The following DROSHA variants were observed in gnomAD, a reference collection of about 807,000 sequenced individuals.
The protein encoded by DROSHA is ribonuclease 3.
Under a neutral mutation model 181.9 loss-of-function variants are expected in DROSHA, and 56 were observed. The ratio of observed to expected loss-of-function variants is 0.31; its 90% CI spans 0.25 to 0.38. The LOEUF is 0.38. DROSHA is among the 10% of genes least tolerant of loss of function. DROSHA has a pLI of 1.00. For synonymous variants in DROSHA, 524 were observed against 591.2 expected (o/e 0.89, Z 1.65); for missense variants, 1,218 against 1,743.5 (o/e 0.70, Z 5.37).
chr5:31,405,791 T>TA, intron 34 of DROSHA, 68 bp from the exon 35 acceptor site: 1 of 1,121,842 alleles, frequency 8.9e-7, no homozygotes, highest in Admixed American at 3.4e-5. Context: ...TTTTTTTTTT[T>TA]CAAAAAATGC....
chr5:31,432,275 G>A (rs1009656338), intron 25 of DROSHA, among the ~76,000 whole-genome samples: 1 of 152,032 alleles, frequency 6.6e-6, no homozygotes, highest in African/African-American at 2.4e-5. Flanking sequence ...GGGACTACAG[G>A]CACCTGCCAC....
chr5:31,435,314 C>T (rs999495807), intron 25 of DROSHA, among the ~76,000 whole-genome samples: 2 of 152,146 alleles, frequency 1.3e-5, no homozygotes, highest in Non-Finnish European at 2.9e-5. Flanking sequence ...GGGGGATTCT[C>T]AAAGGTGTAG....
intron 16 of DROSHA, among the ~76,000 whole-genome samples, chr5:31,480,048 A>G (rs1406014750): frequency 6.6e-6 from 1 of 151,466 alleles, no homozygotes; most frequent in African/African-American, 2.4e-5. Flanking sequence ...TCACATTGTG[A>G]TTTTAATTTG....
At position 31,448,552 on chromosome 5, in the gene DROSHA, G is replaced by A. The variant is rs1271537623; in HGVS notation, c.2877C>T (p.Pro959=). 6.2e-6 allele frequency: 10 copies of A among 1,613,034 alleles called. No individual in the cohort carries two copies. Among genetic ancestry groups the A allele is most frequent in the East Asian group, 2.2e-5 (1 of 44,858 alleles). ...MSRLGQDDPT[P]SRINHNERLE... is the part of the protein sequence containing the mutation. ...TTATTAAAAATCAACTTTACCTCGAGGGAGTTGGGTCATCTTGGCCAAGGC... is the reference window on the plus strand; with the variant it reads ...TTATTAAAAATCAACTTTACCTCGAAGGAGTTGGGTCATCTTGGCCAAGGC... The change falls in exon 23 of 36, where the codon CCC becomes CCT. Residue 959 remains proline, a synonymous_variant. Transcript: ENST00000344624.
intron 16 of DROSHA, among the ~76,000 whole-genome samples, chr5:31,473,884 A>G (rs1750049827): frequency 6.6e-6 from 1 of 152,182 alleles, no homozygotes; most frequent in Non-Finnish European, 1.5e-5. Context: ...GCAGCAGGGA[A>G]GTCAGATCTT....
Position 31,532,021 on chromosome 5 carries a change from G to T in DROSHA, c.-281C>A. On this transcript the variant is annotated 5_prime_UTR_variant, in exon 1 of 36. Transcript: ENST00000344624. Reference sequence around the variant, plus strand: ...AAGGCTCTCGGGCCGCGAGATCGCCGTCAGAGCAAAGCCAGGCTACTACCG... The same window carrying T: ...AAGGCTCTCGGGCCGCGAGATCGCCTTCAGAGCAAAGCCAGGCTACTACCG... 1 of 270,202 alleles carries T rather than the reference G, an allele frequency of 3.7e-6. No homozygotes were observed. Among genetic ancestry groups the T allele is most frequent in the Non-Finnish European group, 7.1e-6 (1 of 139,964 alleles). The allele number at this position is 270,202 out of a possible 1,614,324, so 16.7% of individuals were successfully genotyped here.
intron 33 of DROSHA, among the ~76,000 whole-genome samples, chr5:31,407,660 C>T (rs1029342366): frequency 6.6e-6 from 1 of 152,090 alleles, no homozygotes; most frequent in Non-Finnish European, 1.5e-5. Context: ...TGTAAAACAA[C>T]CCCATGATCT....
chr5:31,450,547 A>G (rs1184459966), intron 21 of DROSHA, among the ~76,000 whole-genome samples: 1 of 152,224 alleles, frequency 6.6e-6, no homozygotes, highest in African/African-American at 2.4e-5. Context: ...TTGGAACTAC[A>G]GGCCATTATC....
intron 8 of DROSHA, among the ~76,000 whole-genome samples, chr5:31,513,547 C>T (rs1174836965): frequency 6.6e-6 from 1 of 152,206 alleles, no homozygotes; most frequent in Non-Finnish European, 1.5e-5. Flanking sequence ...CCCTGTACCA[C>T]ATCAACTATG....
intron 35 of DROSHA, among the ~76,000 whole-genome samples, chr5:31,403,264 T>G (rs1337854125): frequency 6.6e-6 from 1 of 152,218 alleles, no homozygotes. Context: ...ATTTCCGGAA[T>G]AAACTCTACT....
At chr5:31,445,586 T>C (rs1746150035) in intron 23 of DROSHA, among the ~76,000 whole-genome samples, 1 of 151,988 alleles carries the variant, frequency 6.6e-6, no homozygotes, top group Non-Finnish European at 1.5e-5. Context: ...CAGCAGCACA[T>C]GAGAAGAATG....
intron 10 of DROSHA, among the ~76,000 whole-genome samples, chr5:31,505,276 G>A (rs936444222): frequency 6.6e-6 from 1 of 152,162 alleles, no homozygotes; most frequent in Non-Finnish European, 1.5e-5. Flanking sequence ...TGTGCTCAAT[G>A]AATATCTGTT....
intron 4 of DROSHA, chr5:31,527,648 C>A (rs12657311): frequency 0.023 from 3,490 of 152,808 alleles, 97 homozygotes; most frequent in East Asian, 0.17. Context: ...TCCCTGCCAC[C>A]CACCCCTTAC....
chr5:31,471,319 A>G (rs891170440), intron 17 of DROSHA, among the ~76,000 whole-genome samples: 1 of 152,130 alleles, frequency 6.6e-6, no homozygotes, highest in Admixed American at 6.5e-5. Context: ...TTAATTCTTC[A>G]TTTCTATAAA....
intron 19 of DROSHA, among the ~76,000 whole-genome samples, chr5:31,465,940 G>T (rs1212818423): frequency 6.6e-6 from 1 of 152,096 alleles, no homozygotes; most frequent in Non-Finnish European, 1.5e-5. Context: ...AAATTACCCA[G>T]TCTCAGGTAT....
At chr5:31,425,969 AATG>A (rs1743417486) in intron 27 of DROSHA, among the ~76,000 whole-genome samples, 1 of 152,156 alleles carries the variant, frequency 6.6e-6, no homozygotes, top group South Asian at 2.1e-4. Context: ...TACTATTAAT[AATG>A]ATGACAACAA....
intron 13 of DROSHA, among the ~76,000 whole-genome samples, chr5:31,490,094 T>C (rs945155904): frequency 6.6e-6 from 1 of 151,658 alleles, no homozygotes; most frequent in African/African-American, 2.4e-5. Context: ...CAGGCTGGTC[T>C]CAAACTCCTG....
intron 9 of DROSHA, 111 bp from the exon 10 acceptor site, chr5:31,508,886 G>A (rs527576265): frequency 5.1e-5 from 63 of 1,230,408 alleles, no homozygotes; most frequent in South Asian, 4.6e-4. Context: ...TGCAGTGCGC[G>A]ATCTCAGCTC....
intron 20 of DROSHA, among the ~76,000 whole-genome samples, chr5:31,460,601 G>C (rs939715055): frequency 6.6e-6 from 1 of 152,090 alleles, no homozygotes; most frequent in Non-Finnish European, 1.5e-5. Context: ...AAACACAGAG[G>C]AAAAACTACC....
Sources: gnomAD v4.1 joint callset for allele counts (sites outside exome capture counted in the v4.1 genomes callset) on GRCh38, gnomAD v4.1.1 for gene constraint, MANE v1.5 for transcripts, NCBI Gene and HGNC (gene_info 2026-07-23, HGNC 2026-07-21) for gene names.